Variants in KIAA0825 observed in about 807,000 individuals in gnomAD.
KIAA0825 encodes uncharacterized protein KIAA0825.
A neutral mutation model predicts 147.6 loss-of-function variants in KIAA0825; 119 were observed. The observed-to-expected ratio is 0.81, with a 90% CI of 0.69 to 0.94. KIAA0825 has a LOEUF of 0.94. Among genes scored for constraint, KIAA0825 ranks in the 40% least tolerant of loss-of-function variants. KIAA0825 has a pLI of 0.00. For missense variants in KIAA0825, 1,381 were observed against 1,472.7 expected (o/e 0.94, Z 1.02); for synonymous variants, 470 against 518.1 (o/e 0.91, Z 1.26).
At chr5:94,326,904 C>G (rs1780749908) in intron 20 of KIAA0825, among the ~76,000 whole-genome samples, 1 of 152,174 alleles carries the variant, frequency 6.6e-6, no homozygotes, top group Non-Finnish European at 1.5e-5. Flanking sequence ...CAAAAGGTCA[C>G]AAATCTTGAG....
At chr5:94,499,121 AAAG>A (rs1294124452) in intron 5 of KIAA0825, among the ~76,000 whole-genome samples, 4 of 152,146 alleles carry the variant, frequency 2.6e-5, no homozygotes, top group Admixed American at 1.3e-4. Flanking sequence ...AGTTTCCTCA[AAAG>A]AAATATGATT....
At chr5:94,388,063 T>A (rs1562446637) in intron 18 of KIAA0825, among the ~76,000 whole-genome samples, 1 of 152,210 alleles carries the variant, frequency 6.6e-6, no homozygotes, top group African/African-American at 2.4e-5. Flanking sequence ...AAGACAATTT[T>A]TCCATGGACA....
At chr5:94,550,788 G>A (rs1028919556) in intron 2 of KIAA0825, among the ~76,000 whole-genome samples, 3 of 150,494 alleles carry the variant, frequency 2.0e-5, no homozygotes, top group African/African-American at 7.4e-5. Context: ...CTTGCAGTGA[G>A]CCCAGATCGC....
intron 20 of KIAA0825, among the ~76,000 whole-genome samples, chr5:94,207,719 A>T (rs1468882224): frequency 6.6e-6 from 1 of 152,170 alleles, no homozygotes; most frequent in Non-Finnish European, 1.5e-5. Flanking sequence ...ACTTTCAAGA[A>T]CCTGGATAAA....
At chr5:94,420,073 G>A (rs377298662) in intron 14 of KIAA0825, among the ~76,000 whole-genome samples, 3 of 151,974 alleles carry the variant, frequency 2.0e-5, no homozygotes, top group African/African-American at 7.2e-5. Context: ...AGATCAAGGT[G>A]GGGGGTACTT....
At chr5:94,428,564 A>C (rs1448810782) in intron 14 of KIAA0825, among the ~76,000 whole-genome samples, 2 of 152,170 alleles carry the variant, frequency 1.3e-5, no homozygotes, top group Admixed American at 1.3e-4. Context: ...AAGAATGCTG[A>C]AAATAGGACC....
chr5:94,341,585 A>T (rs993093686), intron 20 of KIAA0825, among the ~76,000 whole-genome samples: 22 of 152,330 alleles, frequency 1.4e-4, no homozygotes, highest in Non-Finnish European at 2.6e-4. Context: ...TTAATGAAAG[A>T]GTGAAACTGA....
intron 20 of KIAA0825, among the ~76,000 whole-genome samples, chr5:94,351,456 A>G (rs1783657808): frequency 6.6e-6 from 1 of 152,236 alleles, no homozygotes; most frequent in East Asian, 1.9e-4. Flanking sequence ...GAACAAATGG[A>G]AACACATCCC....
At chr5:94,182,250 C>CTTTTTTTTTA (rs1769704152) in intron 20 of KIAA0825, among the ~76,000 whole-genome samples, 1 of 38,278 alleles carries the variant, frequency 2.6e-5, no homozygotes, top group Non-Finnish European at 4.3e-5. Context: ...AATGTCCCTT[C>CTTTTTTTTTA]TTTTTTTTTT....
At chr5:94,386,119 G>T in intron 19 of KIAA0825, 123 bp downstream of exon 19, 1 of 786,572 alleles carries the variant, frequency 1.3e-6, no homozygotes, top group Non-Finnish European at 2.0e-6. Context: ...ATGTAAATAA[G>T]AACAAGGCCT....
chr5:94,281,665 T>C (rs1300815336), intron 20 of KIAA0825, among the ~76,000 whole-genome samples: 2 of 152,100 alleles, frequency 1.3e-5, no homozygotes, highest in Non-Finnish European at 2.9e-5. Flanking sequence ...TGGCCTTACC[T>C]ACCACATGCC....
chr5:94,202,779 T>A (rs960964272), intron 20 of KIAA0825, among the ~76,000 whole-genome samples: 5 of 152,148 alleles, frequency 3.3e-5, no homozygotes, highest in African/African-American at 1.2e-4. Context: ...GTTGTGAACA[T>A]AGGAAAATTA....
rs1248618123 is a variant in KIAA0825, at chr5:94,151,402, C to T, written c.*2605G>A. Among the ~76,000 whole-genome samples the T allele has an allele frequency of 2.6e-5, 3 of 115,534 alleles. No homozygotes were observed. Among genetic ancestry groups the T allele is most frequent in the Admixed American group, 1.3e-4 (1 of 7,764 alleles). The allele number at this position is 115,534 out of a possible 152,430, so 75.8% of individuals were successfully genotyped here. ...ACTGCAGTCCGCAGTCCGGCCTGGG[C>T]GACAGAGCGAGACTCCGTCTCAAAA... On this transcript the variant is annotated 3_prime_UTR_variant, in exon 21 of 21. Transcript: ENST00000682413.
chr5:94,470,175 T>C, intron 9 of KIAA0825, 64 bp from the exon 10 acceptor site: 1 of 1,184,844 alleles, frequency 8.4e-7, no homozygotes, highest in Non-Finnish European at 1.1e-6. Context: ...GATAACAATC[T>C]CCAGTACTAC....
At chr5:94,296,757 G>A (rs1778156340) in intron 20 of KIAA0825, among the ~76,000 whole-genome samples, 2 of 152,138 alleles carry the variant, frequency 1.3e-5, no homozygotes, top group South Asian at 2.1e-4. Context: ...GTCCCAGTGA[G>A]ATGAGCTGGG....
At chr5:94,417,092 C>G in intron 15 of KIAA0825, 109 bp downstream of exon 15, 1 of 1,033,630 alleles carries the variant, frequency 9.7e-7, no homozygotes, top group Non-Finnish European at 1.4e-6. Context: ...TAAACTTTCA[C>G]CAACAACAGA....
intron 20 of KIAA0825, among the ~76,000 whole-genome samples, chr5:94,330,470 G>A (rs548317113): frequency 1.3e-5 from 2 of 152,130 alleles, no homozygotes; most frequent in East Asian, 1.9e-4. Flanking sequence ...AATAACCCAT[G>A]GCTCACAAAG....
At position 94,182,250 on chromosome 5, in the gene KIAA0825, C is replaced by CTTTTTTTT. The variant is rs771486226; in HGVS notation, c.3711-28134_3711-28127dup. ...CAAGACATAACTTAAAATGTCCCTT[C>CTTTTTTTT]TTTTTTTTTTTTTTTTTTTTTTTTT... On this transcript the variant is annotated intron_variant, in intron 20 of 20. Coordinates refer to ENST00000682413, the MANE Select transcript of KIAA0825 (RefSeq NM_001145678.3). 5.5e-3 allele frequency among the ~76,000 whole-genome samples: 212 copies of CTTTTTTTT among 38,260 alleles called. 67 individuals carry two copies. Among genetic ancestry groups the CTTTTTTTT allele is most frequent in the Non-Finnish European group, 7.2e-3 (166 of 23,212 alleles). The allele number at this position is 38,260 out of a possible 152,430, so 25.1% of individuals were successfully genotyped here. A position where few individuals can be genotyped will look rare whatever the true frequency, so the allele number is the denominator to read the frequency against.
At chr5:94,545,061 G>C (rs958771357) in intron 2 of KIAA0825, among the ~76,000 whole-genome samples, 1 of 152,090 alleles carries the variant, frequency 6.6e-6, no homozygotes, top group African/African-American at 2.4e-5. Flanking sequence ...TGACTGGGGT[G>C]GGGGTTGGGG....
Sources: allele counts gnomAD v4.1 joint callset (sites outside exome capture counted in the v4.1 genomes callset), GRCh38; gene constraint gnomAD v4.1.1; transcripts MANE v1.5; gene names NCBI Gene and HGNC (gene_info 2026-07-23, HGNC 2026-07-21).